The following NF1 variants were observed in gnomAD, a reference collection of about 807,000 sequenced individuals.
NF1 encodes neurofibromin.
A neutral mutation model predicts 325.7 loss-of-function variants in NF1; 122 were observed. The ratio of observed to expected loss-of-function variants is 0.37; its 90% CI spans 0.32 to 0.44. The LOEUF (loss-of-function observed/expected upper bound fraction) is 0.44. Among genes scored for constraint, NF1 ranks in the 20% least tolerant of loss-of-function variants. The probability of loss-of-function intolerance (pLI) is 1.00; values close to 1 mark genes in which losing one functional copy is unlikely to be tolerated. For missense variants in NF1, 2,140 were observed against 3,415.4 expected (o/e 0.63, Z 9.31); for synonymous variants, 1,091 against 1,186.0 (o/e 0.92, Z 1.65).
In NF1 at chr17:31,357,362, C is replaced by G. The variant is rs587781791; in HGVS notation, c.7963C>G (p.Pro2655Ala). ...EASVVFPKVF[P>A]VVHNLLDSKI... The stretch of plus-strand genomic sequence containing the variant: ...CAGTGTTGTGTTTCCCAAAGTCTTT[C>G]CTGTTGTGTAAGTATCTCCTTTTGA... The change falls in exon 54 of 58, where the codon CCT (proline) becomes GCT (alanine). Residue 2655 changes from proline (P) to alanine (A), a missense_variant. Physicochemically the swap from Pro to Ala is conservative, Grantham distance 27 (BLOSUM62 -1). Coordinates refer to ENST00000358273, the MANE Select transcript of NF1 (RefSeq NM_001042492.3). 1.2e-6 allele frequency: 2 copies of G among 1,612,048 alleles called. No homozygotes were observed. The highest frequency in any genetic ancestry group is 1.1e-5 in the South Asian group (1 of 91,038).
At chr17:31,124,297 C>T (rs2143409922) in intron 1 of NF1, among the ~76,000 whole-genome samples, 1 of 151,832 alleles carries the variant, frequency 6.6e-6, no homozygotes, top group African/African-American at 2.4e-5. Context: ...ACTCCTGGCC[C>T]CAAGGAATCC....
intron 36 of NF1, among the ~76,000 whole-genome samples, chr17:31,325,283 A>G (rs2069313081): frequency 6.6e-6 from 1 of 152,126 alleles, no homozygotes; most frequent in African/African-American, 2.4e-5. Context: ...TGAGCTAGCA[A>G]CTCCTAGGGC....
At chr17:31,126,677 A>G (rs1049462831) in intron 1 of NF1, among the ~76,000 whole-genome samples, 5 of 152,054 alleles carry the variant, frequency 3.3e-5, no homozygotes, top group South Asian at 2.1e-4. Flanking sequence ...CGTGAGCTCC[A>G]GTGATCTACC....
At chr17:31,334,760 C>T (rs774041357) in intron 39 of NF1, 78 bp from the exon 40 acceptor site, 92 of 1,188,174 alleles carry the variant, frequency 7.7e-5, no homozygotes, top group Middle Eastern at 2.4e-4. Context: ...ACCATTTTTT[C>T]CCCGAATTCT....
intron 36 of NF1, among the ~76,000 whole-genome samples, chr17:31,266,201 A>G (rs191479227): frequency 6.6e-6 from 1 of 152,310 alleles, no homozygotes; most frequent in East Asian, 1.9e-4. Context: ...AACATCCATG[A>G]CCATTAAGTT....
chr17:31,307,781 A>G, intron 36 of NF1: 1 of 687,164 alleles, frequency 1.5e-6, no homozygotes, highest in Non-Finnish European at 2.2e-6. Context: ...AGGGTGTTAG[A>G]TATTGGTATA....
intron 36 of NF1, among the ~76,000 whole-genome samples, chr17:31,308,330 A>T (rs2068782177): frequency 6.6e-6 from 1 of 151,984 alleles, no homozygotes; most frequent in Non-Finnish European, 1.5e-5. Flanking sequence ...TAGTAGAGAC[A>T]GGGTTTCACC....
Position 31,156,142 on chromosome 17 carries a change from A to G in NF1, c.204+16A>G, listed in dbSNP as rs2143628041. The G allele has an allele frequency of 6.2e-7, 1 of 1,613,238 alleles. No individual in the cohort carries two copies. ...TAACAATATGGTGAGTATTTGGGTT[A>G]CTGTGTTTTGGGGAATTTGCTTTCT... On this transcript the variant is annotated intron_variant, in intron 2 of 57. Transcript: ENST00000358273.
intron 39 of NF1, among the ~76,000 whole-genome samples, chr17:31,333,217 AT>A (rs1292969222): frequency 1.3e-5 from 2 of 152,228 alleles, no homozygotes; most frequent in Non-Finnish European, 2.9e-5. Context: ...CTAGAAAGGC[AT>A]TTGGAAGTGG....
intron 33 of NF1, among the ~76,000 whole-genome samples, 166 bp downstream of exon 33, chr17:31,259,295 T>G (rs1160194770): frequency 1.3e-5 from 2 of 152,206 alleles, no homozygotes; most frequent in Admixed American, 6.5e-5. Flanking sequence ...TAAAAGACAG[T>G]CATGAAATAA....
intron 5 of NF1, among the ~76,000 whole-genome samples, chr17:31,178,916 G>C (rs1320537652): frequency 6.6e-6 from 1 of 151,996 alleles, no homozygotes; most frequent in Admixed American, 6.6e-5. Context: ...AATAATAATG[G>C]GAGACTTTAA....
At chr17:31,212,798 A>G (rs548052005) in intron 12 of NF1, among the ~76,000 whole-genome samples, 1 of 152,006 alleles carries the variant, frequency 6.6e-6, no homozygotes, top group East Asian at 1.9e-4. Flanking sequence ...TGTATGTGCT[A>G]TACTTTTTTT....
chr17:31,140,360 A>T (rs1916127082), intron 1 of NF1, among the ~76,000 whole-genome samples: 1 of 150,986 alleles, frequency 6.6e-6, no homozygotes. Flanking sequence ...TGAGGTGTAT[A>T]ATGTGTTTAG....
At chr17:31,136,814 T>C (rs1261849417) in intron 1 of NF1, 3 of 152,170 alleles carry the variant, frequency 2.0e-5, no homozygotes, top group African/African-American at 7.2e-5. Context: ...TTTATAGGCA[T>C]GTATGTGTAG....
chr17:31,370,618 TTAC>T (rs1242447962), intron 57 of NF1, among the ~76,000 whole-genome samples: 2 of 152,214 alleles, frequency 1.3e-5, no homozygotes, highest in Non-Finnish European at 2.9e-5. Flanking sequence ...TTCATCTACA[TTAC>T]TACAATTTAT....
intron 36 of NF1, chr17:31,297,040 T>C (rs1473269745): frequency 6.6e-6 from 1 of 152,220 alleles, no homozygotes; most frequent in African/African-American, 2.4e-5. Flanking sequence ...GCAGCAAATT[T>C]CTGGTGCATG....
At position 31,377,392 on chromosome 17, in the gene NF1, G is replaced by A. The variant is rs889317260; in HGVS notation, c.*3237G>A. ...TTGCGACTGCGTTACATCATTTAAA[G>A]AAAATGCTGTGTATTGTAAACTTAA... is the stretch of plus-strand genomic sequence containing the variant. On this transcript the variant is annotated 3_prime_UTR_variant, in exon 58 of 58. Transcript: ENST00000358273. 5 of 233,312 alleles carry A rather than the reference G, an allele frequency of 2.1e-5. No homozygotes were observed. The highest frequency in any genetic ancestry group is 2.5e-5 in the Non-Finnish European group (3 of 117,930). 14.5% of individuals were successfully genotyped at this position (233,312 alleles called of 1,614,324 possible). A position where few individuals can be genotyped will look rare whatever the true frequency, so the allele number is the denominator to read the frequency against.
chr17:31,117,132 G>T (rs1042974449), intron 1 of NF1, among the ~76,000 whole-genome samples: 3 of 151,482 alleles, frequency 2.0e-5, no homozygotes, highest in African/African-American at 7.3e-5. Context: ...CAGGCGTGCC[G>T]CCACGCCTGG....
At chr17:31,126,654 C>G (rs1247990319) in intron 1 of NF1, among the ~76,000 whole-genome samples, 1 of 152,032 alleles carries the variant, frequency 6.6e-6, no homozygotes, top group East Asian at 1.9e-4. Flanking sequence ...GTTCCCCAGG[C>G]TGGTCTTGAA....
Sources: allele counts gnomAD v4.1 joint callset (sites outside exome capture counted in the v4.1 genomes callset), GRCh38; gene constraint gnomAD v4.1.1; transcripts MANE v1.5; gene names NCBI Gene and HGNC (gene_info 2026-07-23, HGNC 2026-07-21).